Variants in LYRM1 observed in about 807,000 individuals in gnomAD.
LYRM1 encodes the protein LYR motif-containing protein 1.
A neutral mutation model predicts 14.9 loss-of-function variants in LYRM1; 14 were observed. That is an observed-to-expected ratio of 0.94 (90% CI 0.62 to 1.47). The LOEUF (loss-of-function observed/expected upper bound fraction) is 1.47, where lower values mean the gene tolerates loss of function less well. Ranked by LOEUF, LYRM1 falls within the 40% of genes most tolerant of loss-of-function variation. The probability of loss-of-function intolerance (pLI) is 0.00; values close to 1 mark genes in which losing one functional copy is unlikely to be tolerated. For missense variants in LYRM1, 153 were observed against 149.9 expected (o/e 1.02, Z -0.11); for synonymous variants, 43 against 56.2 (o/e 0.77, Z 1.05).
At chr16:20,907,818 C>A (rs1483866241) in intron 1 of LYRM1, among the ~76,000 whole-genome samples, 1 of 152,148 alleles carries the variant, frequency 6.6e-6, no homozygotes, top group African/African-American at 2.4e-5. Context: ...AAAATAACCC[C>A]CACCTCTGGT....
intron 2 of LYRM1, among the ~76,000 whole-genome samples, chr16:20,919,144 C>A (rs1018707081): frequency 8.5e-5 from 13 of 152,134 alleles, no homozygotes; most frequent in African/African-American, 2.9e-4. Flanking sequence ...ACTTTTTATT[C>A]CTTTAATTGA....
chr16:20,906,298 G>A (rs1426637207), intron 1 of LYRM1, among the ~76,000 whole-genome samples: 2 of 152,170 alleles, frequency 1.3e-5, no homozygotes, highest in East Asian at 3.8e-4. Context: ...CAAAGAAAGG[G>A]TATTTCAGTT....
intron 1 of LYRM1, among the ~76,000 whole-genome samples, chr16:20,913,352 G>A (rs1366209502): frequency 7.2e-6 from 1 of 139,152 alleles, no homozygotes; most frequent in African/African-American, 2.7e-5. Context: ...AGTCACTGTT[G>A]CCCAGGCTGG....
At chr16:20,920,637 T>TA (rs1219795096) in intron 3 of LYRM1, 1 of 174,930 alleles carries the variant, frequency 5.7e-6, no homozygotes, top group African/African-American at 2.4e-5. Flanking sequence ...CCTATAATCC[T>TA]AGCACTTTGG....
Position 20,915,609 on chromosome 16 carries a change from G to T in LYRM1, c.54G>T (p.Arg18Ser), listed in dbSNP as rs775907212. Reference protein sequence around the residue: ...EVLGLYRSIFRLARKWQATSG... With the variant: ...EVLGLYRSIFSLARKWQATSG... ...TTGGCCTCTACCGCAGCATTTTCAG[G>T]CTTGCGAGGAAATGGCAGGCGACAT... Residue 18 changes from arginine to serine, a missense_variant, in exon 2 of 4, where the codon AGG becomes AGT. Transcript: ENST00000567954. 1.2e-6 allele frequency: 2 copies of T among 1,614,104 alleles called. No individual in the cohort carries two copies. Among genetic ancestry groups the T allele is most frequent in the Non-Finnish European group, 1.7e-6 (2 of 1,180,026 alleles).
chr16:20,918,298 C>T (rs1277793032), intron 2 of LYRM1, among the ~76,000 whole-genome samples: 1 of 152,152 alleles, frequency 6.6e-6, no homozygotes, highest in Non-Finnish European at 1.5e-5. Context: ...CCTTCCTTTG[C>T]CTCGGCTTGG....
chr16:20,920,939 T>TAG (rs2083154800), intron 3 of LYRM1, among the ~76,000 whole-genome samples: 4 of 86,872 alleles, frequency 4.6e-5, no homozygotes, highest in Admixed American at 2.0e-4. Context: ...ATAAAAAAAT[T>TAG]ATATAAACTT....
chr16:20,915,536 C>T lies in LYRM1; in HGVS notation c.1-20C>T, dbSNP rs2082842349. 1.2e-6 allele frequency: 2 copies of T among 1,601,556 alleles called. No homozygotes were observed. Among genetic ancestry groups the T allele is most frequent in the Non-Finnish European group, 1.7e-6 (2 of 1,171,822 alleles). ...CATTTTTATGCAAATTTTCCCTCTT[C>T]TATTTTGGTGGGTCTGAAGATGACA... On this transcript the variant is annotated intron_variant, in intron 1 of 3. Transcript: ENST00000567954.
rs1405551610 is a variant in LYRM1 at position 20,915,603 on chromosome 16, T to C, written c.48T>C (p.Ile16=). Residue 16 remains isoleucine (I), a synonymous_variant, in exon 2 of 4, where the codon ATT becomes ATC. Transcript: ENST00000567954. ...AAGTCCTTGGCCTCTACCGCAGCAT[T>C]TTCAGGCTTGCGAGGAAATGGCAGG... ...RQEVLGLYRS[I]FRLARKWQAT... 1 of 1,614,128 alleles carries C rather than the reference T, an allele frequency of 6.2e-7. No individual in the cohort carries two copies. The highest frequency in any genetic ancestry group is 8.5e-7 in the Non-Finnish European group (1 of 1,180,034).
chr16:20,910,110 A>G (rs2082516291), intron 1 of LYRM1, among the ~76,000 whole-genome samples: 2 of 152,214 alleles, frequency 1.3e-5, no homozygotes, highest in African/African-American at 4.8e-5. Context: ...GTCAGGTAAA[A>G]GGGAGGGGTT....
At chr16:20,923,559 C>T (rs950426899) in intron 3 of LYRM1, among the ~76,000 whole-genome samples, 23 of 152,134 alleles carry the variant, frequency 1.5e-4, no homozygotes, top group African/African-American at 5.3e-4. Context: ...TAACCAGCCC[C>T]TCTCTTGCTA....
intron 1 of LYRM1, among the ~76,000 whole-genome samples, chr16:20,910,081 G>A (rs1046224576): frequency 1.3e-5 from 2 of 152,198 alleles, no homozygotes; most frequent in African/African-American, 4.8e-5. Flanking sequence ...CACTGGGAAC[G>A]GCAGGATGGA....
chr16:20,906,214 C>T (rs2082312986), intron 1 of LYRM1, among the ~76,000 whole-genome samples: 2 of 152,142 alleles, frequency 1.3e-5, no homozygotes, highest in African/African-American at 4.8e-5. Context: ...AGCCGGGACA[C>T]TGACCCAGCC....
intron 3 of LYRM1, 30 bp downstream of exon 3, chr16:20,920,244 G>T (rs1357313012): frequency 6.7e-7 from 1 of 1,486,692 alleles, no homozygotes; most frequent in Non-Finnish European, 9.4e-7. Flanking sequence ...ACAAGTGCTG[G>T]GTACTTACCC....
rs569622517 is a variant in LYRM1 at position 20,904,875 on chromosome 16, G to A, written c.-1+3986G>A. ...AAGTGCCCTGAGGGATAAACAAGGA[G>A]TAAGAGATAAAGGAAGAAAAATAGG... On this transcript the variant is annotated intron_variant, in intron 1 of 3. Coordinates refer to ENST00000567954, the MANE Select transcript of LYRM1 (RefSeq NM_001128302.3). 3.9e-5 allele frequency among the ~76,000 whole-genome samples: 6 copies of A among 152,218 alleles called. No homozygotes were observed. In the South Asian group the frequency reaches 1.0e-3, roughly 26 times the overall value.
chr16:20,909,668 G>A (rs771875545), intron 1 of LYRM1, among the ~76,000 whole-genome samples: 2 of 152,114 alleles, frequency 1.3e-5, no homozygotes, highest in Non-Finnish European at 1.5e-5. Flanking sequence ...ATCCATATTC[G>A]GGAAAAGCTG....
At position 20,915,654 on chromosome 16, in the gene LYRM1, C is replaced by T. The variant is rs142134653; in HGVS notation, c.99C>T (p.Thr33=). Residue 33 remains threonine, a synonymous_variant, in exon 2 of 4, where the codon ACC becomes ACT. Coordinates refer to ENST00000567954, the MANE Select transcript of LYRM1 (RefSeq NM_001128302.3). ...CGACATCAGGGCAGATGGAAGACAC[C>T]ATCAAAGAAAAACAGTACATACTAA... ...WQATSGQMED[T]IKEKQYILNE... is the part of the protein sequence containing the mutation. 1.9e-5 allele frequency: 30 copies of T among 1,613,976 alleles called. No homozygotes were observed. In the Admixed American group the frequency reaches 4.8e-4, roughly 26 times the overall value.
At chr16:20,904,693 G>GTGTGTGTGTGTGGTTT (rs2082232292) in intron 1 of LYRM1, among the ~76,000 whole-genome samples, 1 of 26,676 alleles carries the variant, frequency 3.7e-5, no homozygotes, top group Non-Finnish European at 1.5e-4. Flanking sequence ...GTCTGTGGTT[G>GTGTGTGTGTGTGGTTT]TGTGTGTGTG....
In LYRM1 at chr16:20,920,178, A is replaced by C; in HGVS notation, c.216A>C (p.Glu72Asp). The change falls in exon 3 of 4, where the codon GAA (glutamate) becomes GAC (aspartate). Residue 72 changes from glutamate (E) to aspartate (D), a missense_variant. Glu to Asp is a conservative substitution (Grantham distance 45). Coordinates refer to ENST00000567954, the MANE Select transcript of LYRM1 (RefSeq NM_001128302.3). ...TAGATGAATGCACAGCCAGGATTGA[A>C]ATTGGACTGCATTACAAGATTCCTT... Reference protein sequence around the residue: ...QCIDECTARIEIGLHYKIPYP... With the variant: ...QCIDECTARIDIGLHYKIPYP... 1 of 1,614,106 alleles carries C rather than the reference A, an allele frequency of 6.2e-7. No homozygotes were observed. The highest frequency in any genetic ancestry group is 1.7e-5 in the Admixed American group (1 of 60,022).
Sources: gnomAD v4.1 joint callset for allele counts (sites outside exome capture counted in the v4.1 genomes callset) on GRCh38, gnomAD v4.1.1 for gene constraint, MANE v1.5 for transcripts, NCBI Gene and HGNC (gene_info 2026-07-23, HGNC 2026-07-21) for gene names.